The following HACD3 variants were observed in gnomAD, a reference collection of about 807,000 sequenced individuals.
HACD3 encodes the protein 3-hydroxyacyl-CoA dehydratase 3.
HACD3 carries 30 observed loss-of-function variants against 55.2 expected under a neutral mutation model. That is an observed-to-expected ratio of 0.54 (90% CI 0.41 to 0.74). The LOEUF (loss-of-function observed/expected upper bound fraction) is 0.74, where lower values mean the gene tolerates loss of function less well. Among genes scored for constraint, HACD3 ranks in the 30% least tolerant of loss-of-function variants. HACD3 has a pLI of 0.00. For missense variants in HACD3, 363 were observed against 440.1 expected, an observed-to-expected ratio of 0.82 and a Z score of 1.57; for synonymous variants, 141 against 151.7, an observed-to-expected ratio of 0.93 and a Z score of 0.52.
chr15:65,569,720 A>G (rs1435668198), intron 7 of HACD3, among the ~76,000 whole-genome samples: 1 of 152,206 alleles, frequency 6.6e-6, no homozygotes, highest in Non-Finnish European at 1.5e-5. Context: ...TAAAAAAGAA[A>G]AGCCATGGAA....
chr15:65,549,398 C>CA (rs766258780), intron 1 of HACD3, among the ~76,000 whole-genome samples: 2 of 129,126 alleles, frequency 1.5e-5, no homozygotes, highest in Non-Finnish European at 3.2e-5. Flanking sequence ...CCAGCCTGAC[C>CA]AATATGGTGT....
At chr15:65,552,815 T>C (rs1596210867) in intron 2 of HACD3, among the ~76,000 whole-genome samples, 1 of 151,884 alleles carries the variant, frequency 6.6e-6, no homozygotes. Flanking sequence ...TAGCATTAGG[T>C]ATATCTCCCG....
intron 3 of HACD3, among the ~76,000 whole-genome samples, 154 bp downstream of exon 3, chr15:65,555,114 T>C (rs2072176091): frequency 6.6e-6 from 1 of 152,226 alleles, no homozygotes; most frequent in Non-Finnish European, 1.5e-5. Flanking sequence ...AGGTTTTAGC[T>C]GCAGAGGAAT....
intron 5 of HACD3, among the ~76,000 whole-genome samples, chr15:65,560,540 C>T (rs536873417): frequency 3.7e-4 from 57 of 152,246 alleles, no homozygotes; most frequent in Middle Eastern, 3.4e-3. Flanking sequence ...GCTCATGCCT[C>T]TAATCCCAGC....
chr15:65,548,985 C>T (rs770793361), intron 1 of HACD3, among the ~76,000 whole-genome samples: 6 of 152,172 alleles, frequency 3.9e-5, no homozygotes, highest in Non-Finnish European at 8.8e-5. Flanking sequence ...CTTCAGCCTC[C>T]CCGGTAGCTG....
At chr15:65,560,633 CA>C (rs2072235175) in intron 5 of HACD3, among the ~76,000 whole-genome samples, 1 of 151,958 alleles carries the variant, frequency 6.6e-6, no homozygotes, top group Non-Finnish European at 1.5e-5. Context: ...TGTGTTTCTA[CA>C]AAACATAATG....
chr15:65,559,850 A>G (rs2072228141), intron 5 of HACD3, among the ~76,000 whole-genome samples: 1 of 152,150 alleles, frequency 6.6e-6, no homozygotes, highest in African/African-American at 2.4e-5. Context: ...ATAGATAAAA[A>G]TTCTAATATA....
intron 8 of HACD3, 128 bp downstream of exon 8, chr15:65,570,331 T>A: frequency 1.5e-6 from 1 of 679,428 alleles, no homozygotes. Context: ...TGTGGAGAAT[T>A]CTGGTTGCAC....
intron 5 of HACD3, 80 bp from the exon 6 acceptor site, chr15:65,562,694 T>G (rs534269454): frequency 6.5e-7 from 1 of 1,528,544 alleles, no homozygotes; most frequent in South Asian, 1.2e-5. Flanking sequence ...AGGGTTGAAG[T>G]CATCCAGATA....
At chr15:65,574,928 G>A (rs2141228413) in intron 10 of HACD3, among the ~76,000 whole-genome samples, 1 of 152,296 alleles carries the variant, frequency 6.6e-6, no homozygotes, top group East Asian at 1.9e-4. Context: ...ATATTGGAAA[G>A]ACATTTAAAA....
intron 4 of HACD3, among the ~76,000 whole-genome samples, chr15:65,557,552 C>T (rs771319047): frequency 6.6e-5 from 10 of 151,820 alleles, no homozygotes; most frequent in South Asian, 2.1e-4. Flanking sequence ...CTTGAGGTGA[C>T]GCTTATCAGG....
chr15:65,570,321 T>C (rs181222451), intron 8 of HACD3, 118 bp downstream of exon 8: 2 of 731,674 alleles, frequency 2.7e-6, no homozygotes, highest in East Asian at 2.8e-5. Context: ...AGATTACATA[T>C]GTGGAGAATT....
Position 65,578,009 on chromosome 15 carries a change from G to C in HACD3, c.*1630G>C, listed in dbSNP as rs2072426130. On this transcript the variant is annotated 3_prime_UTR_variant, in exon 11 of 11. Coordinates refer to ENST00000261875, the MANE Select transcript of HACD3 (RefSeq NM_016395.4). ...CTGTTCTGCCATTCCCAACATTCCT[G>C]GGGGAAAGGAGACTCAATGAGTTAA... is the stretch of plus-strand genomic sequence containing the variant. 1.3e-5 allele frequency: 2 copies of C among 152,582 alleles called. No individual in the cohort carries two copies. The highest frequency in any genetic ancestry group is 1.5e-5 in the Non-Finnish European group (1 of 68,012). The allele number at this position is 152,582 out of a possible 1,614,324, so 9.5% of individuals were successfully genotyped here. A position where few individuals can be genotyped will look rare whatever the true frequency, so the allele number is the denominator to read the frequency against.
Position 65,578,285 on chromosome 15 carries a change from C to G in HACD3, c.*1906C>G, listed in dbSNP as rs143347188. On this transcript the variant is annotated 3_prime_UTR_variant, in exon 11 of 11. Transcript: ENST00000261875. ...CTGTATTCTTAGTGATTGTTACAAACCCCTTTATTGCTGTCTGAGAAAGTG... is the reference window on the plus strand; with the variant it reads ...CTGTATTCTTAGTGATTGTTACAAAGCCCTTTATTGCTGTCTGAGAAAGTG... 245 of 152,294 alleles carry G rather than the reference C, an allele frequency of 1.6e-3. 1 individual carries two copies. Among genetic ancestry groups the G allele is most frequent in the African/African-American group, 5.5e-3 (227 of 41,560 alleles). The allele number at this position is 152,294 out of a possible 1,614,324, so 9.4% of individuals were successfully genotyped here.
At chr15:65,533,198 T>A (rs1304896117) in intron 1 of HACD3, among the ~76,000 whole-genome samples, 2 of 152,170 alleles carry the variant, frequency 1.3e-5, no homozygotes, top group Non-Finnish European at 2.9e-5. Context: ...ACTCATTGCA[T>A]TGAGAGAGCA....
In HACD3 at chr15:65,576,339, G is replaced by T; in HGVS notation, c.1049G>T (p.Arg350Leu). 6.2e-7 allele frequency: 1 copy of T among 1,603,000 alleles called. No homozygotes were observed. Among genetic ancestry groups the T allele is most frequent in the Non-Finnish European group, 8.5e-7 (1 of 1,174,660 alleles). Reference protein sequence around the residue: ...YINFRHLYKQRRRRYGQKKKK... With the variant: ...YINFRHLYKQLRRRYGQKKKK... ...AATTTTCGTCACCTTTATAAACAGC[G>T]CAGACGGCGCTATGGACAAAAAAAG... Residue 350 changes from arginine (R) to leucine (L), a missense_variant, in exon 11 of 11, where the codon CGC becomes CTC. By Grantham distance (102) the Arg-to-Leu change is moderately radical. Transcript: ENST00000261875.
intron 7 of HACD3, among the ~76,000 whole-genome samples, chr15:65,569,703 G>A (rs778757016): frequency 6.6e-6 from 1 of 152,006 alleles, no homozygotes; most frequent in Non-Finnish European, 1.5e-5. Context: ...GCGAGACCCC[G>A]TCTCGATAAA....
chr15:65,564,060 C>T (rs60307215), intron 6 of HACD3, among the ~76,000 whole-genome samples, 155 bp from the exon 7 acceptor site: 9,272 of 152,128 alleles, frequency 0.061, 288 homozygotes, highest in African/African-American at 0.085. Flanking sequence ...TGGCCTGCAC[C>T]CTTCCTGCTT....
chr15:65,551,422 C>T (rs2072131580), intron 1 of HACD3, among the ~76,000 whole-genome samples: 2 of 152,168 alleles, frequency 1.3e-5, no homozygotes, highest in Admixed American at 1.3e-4. Context: ...TGGACTAATT[C>T]AGTACTTGAT....
Sources: gnomAD v4.1 joint callset for allele counts (sites outside exome capture counted in the v4.1 genomes callset) on GRCh38, gnomAD v4.1.1 for gene constraint, MANE v1.5 for transcripts, NCBI Gene and HGNC (gene_info 2026-07-23, HGNC 2026-07-21) for gene names.